NAA11: variants seen among roughly 807,000 people sequenced by gnomAD.
The protein encoded by NAA11 is N-alpha-acetyltransferase 11, NatA catalytic subunit, also known as N-alpha-acetyltransferase 11.
In NAA11, 15 loss-of-function variants were observed where a neutral mutation model predicts 16.1. The ratio of observed to expected loss-of-function variants is 0.93; its 90% confidence interval spans 0.62 to 1.44. The LOEUF (loss-of-function observed/expected upper bound fraction) is 1.44. Ranked by LOEUF, NAA11 falls within the 40% of genes most tolerant of loss-of-function variation. The pLI is 0.00. For synonymous variants in NAA11, 122 were observed against 112.4 expected (o/e 1.09, Z -0.54); for missense variants, 298 against 291.3 (o/e 1.02, Z -0.17).
chr4:79,276,146 A>C (rs1259147678), intron 2 of NAA11, among the ~76,000 whole-genome samples: 2 of 152,138 alleles, frequency 1.3e-5, no homozygotes, highest in Non-Finnish European at 2.9e-5. Context: ...ATTTTACAGT[A>C]CTTAATAGAA....
At chr4:79,164,673 G>A in the NAA11 span, among the ~76,000 whole-genome samples, 171 of 152,210 alleles carry the variant, frequency 1.1e-3, 1 homozygote, top group African/African-American at 3.5e-3. Flanking sequence ...TGCTTCCCTC[G>A]TGCCAGTCAG....
the NAA11 span, among the ~76,000 whole-genome samples, chr4:79,210,087 T>C: frequency 1.3e-5 from 2 of 152,106 alleles, no homozygotes; most frequent in Admixed American, 6.6e-5. Context: ...ATGTGTCTAA[T>C]TGAAGAGACA....
chr4:79,191,039 A>T, the NAA11 span, among the ~76,000 whole-genome samples: 2 of 152,146 alleles, frequency 1.3e-5, no homozygotes, highest in Non-Finnish European at 2.9e-5. Flanking sequence ...TCCATGGTGT[A>T]TATGTACCAT....
chr4:79,299,343 A>C (rs1389381437), intron 1 of NAA11: 5 of 152,214 alleles, frequency 3.3e-5, no homozygotes, highest in Non-Finnish European at 2.9e-5. Flanking sequence ...CTGCCTCATT[A>C]CATTTCTGAA....
the NAA11 span, among the ~76,000 whole-genome samples, chr4:79,200,286 C>T: frequency 2.0e-5 from 3 of 151,780 alleles, no homozygotes; most frequent in African/African-American, 7.3e-5. Flanking sequence ...ATACTTGACA[C>T]ATAGTAATGT....
the NAA11 span, among the ~76,000 whole-genome samples, chr4:79,187,851 T>G: frequency 6.6e-5 from 10 of 151,490 alleles, no homozygotes; most frequent in Admixed American, 4.6e-4. Flanking sequence ...CAAAAAAAAT[T>G]AGCCGGGCAC....
At chr4:79,298,779 C>T (rs1036502193) in intron 1 of NAA11, among the ~76,000 whole-genome samples, 1 of 152,238 alleles carries the variant, frequency 6.6e-6, no homozygotes, top group African/African-American at 2.4e-5. Context: ...GAAATGAGCC[C>T]AGTGGGCCCA....
At chr4:79,219,279 A>G in the NAA11 span, among the ~76,000 whole-genome samples, 2 of 152,176 alleles carry the variant, frequency 1.3e-5, no homozygotes, top group African/African-American at 4.8e-5. Context: ...TGCTTTAATT[A>G]TGCCATCCTC....
chr4:79,207,221 A>G, the NAA11 span, among the ~76,000 whole-genome samples: 1 of 151,980 alleles, frequency 6.6e-6, no homozygotes, highest in African/African-American at 2.4e-5. Flanking sequence ...TCTGGCTAGG[A>G]CTTTCAGTAC....
At position 79,325,122 on chromosome 4, in the gene NAA11, G is replaced by A. The variant is rs957977829; in HGVS notation, c.*12+54C>T. On this transcript the variant is annotated intron_variant, in intron 1 of 1. Coordinates refer to ENST00000286794, the MANE Select transcript of NAA11 (RefSeq NM_032693.3). ...ACAGGATGGAATTGGGCAGGCCAAG[G>A]CAGGATGCAGGGATTTAGGAGAAGG... The A allele has an allele frequency of 1.2e-5, 18 of 1,445,290 alleles. No homozygotes were observed. In the East Asian group the frequency reaches 1.5e-4, roughly 12 times the overall value. The allele number at this position is 1,445,290 out of a possible 1,614,324, so 89.5% of individuals were successfully genotyped here.
intron 2 of NAA11, among the ~76,000 whole-genome samples, chr4:79,289,188 G>A (rs1723020787): frequency 6.6e-6 from 1 of 152,174 alleles, no homozygotes; most frequent in South Asian, 2.1e-4. Flanking sequence ...AGGTGTCTCA[G>A]TTTATTCCCA....
the NAA11 span, among the ~76,000 whole-genome samples, chr4:79,204,358 A>G: frequency 6.6e-6 from 1 of 151,910 alleles, no homozygotes; most frequent in Non-Finnish European, 1.5e-5. Context: ...TCAGGACAAG[A>G]TATACACAAT....
At chr4:79,213,821 T>C in the NAA11 span, among the ~76,000 whole-genome samples, 1 of 152,210 alleles carries the variant, frequency 6.6e-6, no homozygotes, top group African/African-American at 2.4e-5. Flanking sequence ...CTATTCATTA[T>C]AATTGCTCAC....
At chr4:79,186,607 G>A in the NAA11 span, among the ~76,000 whole-genome samples, 1 of 152,144 alleles carries the variant, frequency 6.6e-6, no homozygotes. Flanking sequence ...CTGAGCTGGA[G>A]AAATAAAAAA....
In NAA11 at chr4:79,316,720, T is replaced by C. The variant is rs1374891072; in HGVS notation, c.*1084A>G. The stretch of plus-strand genomic sequence containing the variant: ...TTCACTTATTTTTACTAGAGAAAAA[T>C]AATAAAAATAGATTATAATTGTAGG... On this transcript the variant is annotated 3_prime_UTR_variant, in exon 2 of 2. Transcript: ENST00000286794. 8.5e-5 allele frequency: 13 copies of C among 152,136 alleles called. No individual in the cohort carries two copies. Among genetic ancestry groups the C allele is most frequent in the Non-Finnish European group, 4.4e-5 (3 of 68,024 alleles). 9.4% of individuals were successfully genotyped at this position (152,136 alleles called of 1,614,324 possible). A position where few individuals can be genotyped will look rare whatever the true frequency, so the allele number is the denominator to read the frequency against.
chr4:79,305,204 A>G (rs1428071235), intron 1 of NAA11: 1 of 152,188 alleles, frequency 6.6e-6, no homozygotes, highest in Non-Finnish European at 1.5e-5. Flanking sequence ...GATAGACTTT[A>G]TCTTCAAATA....
chr4:79,303,227 G>T (rs563241860), intron 1 of NAA11, among the ~76,000 whole-genome samples: 1 of 150,864 alleles, frequency 6.6e-6, no homozygotes, highest in African/African-American at 2.4e-5. Flanking sequence ...CTGCTAACAT[G>T]GACCATCTGA....
At chr4:79,234,220 G>T (rs952660921) in intron 2 of NAA11, among the ~76,000 whole-genome samples, 2 of 151,972 alleles carry the variant, frequency 1.3e-5, no homozygotes, top group Non-Finnish European at 2.9e-5. Context: ...TAGAAAATTG[G>T]GGCTTTTTAT....
At chr4:79,301,731 G>A (rs575885230) in intron 1 of NAA11, among the ~76,000 whole-genome samples, 27 of 152,188 alleles carry the variant, frequency 1.8e-4, no homozygotes, top group Admixed American at 6.5e-4. Flanking sequence ...GCTATACGAG[G>A]GACCAAGTGT....
Sources: allele counts gnomAD v4.1 joint callset (sites outside exome capture counted in the v4.1 genomes callset), GRCh38; gene constraint gnomAD v4.1.1; transcripts MANE v1.5; gene names NCBI Gene and HGNC (gene_info 2026-07-23, HGNC 2026-07-21).